Variants in ADAM23 observed in about 807,000 individuals in gnomAD.
ADAM23 encodes disintegrin and metalloproteinase domain-containing protein 23.
ADAM23 carries 33 observed loss-of-function variants against 120.1 expected under a neutral mutation model. The observed-to-expected ratio is 0.27, with a 90% CI of 0.21 to 0.37. ADAM23 has a LOEUF of 0.37. Ranked by LOEUF, ADAM23 falls within the 10% of genes least tolerant of loss-of-function variation. ADAM23 has a pLI of 1.00. For synonymous variants in ADAM23, 367 were observed against 375.2 expected, an observed-to-expected ratio of 0.98 and a Z score of 0.25; for missense variants, 862 against 1,058.2, an observed-to-expected ratio of 0.81 and a Z score of 2.57.
At chr2:206,563,727 CTTTTTTTTT>C (rs3084932) in intron 13 of ADAM23, among the ~76,000 whole-genome samples, 4 of 140,490 alleles carry the variant, frequency 2.8e-5, no homozygotes, top group Non-Finnish European at 4.6e-5. Flanking sequence ...TCCTAAAATT[CTTTTTTTTT>C]TTTTTTTTTT....
At chr2:206,503,442 G>T (rs1231691356) in intron 3 of ADAM23, among the ~76,000 whole-genome samples, 1 of 152,040 alleles carries the variant, frequency 6.6e-6, no homozygotes, top group Non-Finnish European at 1.5e-5. Flanking sequence ...CAAGGTAGAG[G>T]GTCAGTCAAT....
At chr2:206,608,785 A>G (rs757833251) in intron 24 of ADAM23, among the ~76,000 whole-genome samples, 5 of 152,208 alleles carry the variant, frequency 3.3e-5, no homozygotes, top group African/African-American at 4.8e-5. Context: ...CAAAAGTGGC[A>G]TCCATTTATG....
chr2:206,484,648 A>T (rs1228468145), intron 3 of ADAM23, among the ~76,000 whole-genome samples: 2 of 152,144 alleles, frequency 1.3e-5, no homozygotes, highest in Non-Finnish European at 2.9e-5. Flanking sequence ...GAGGCTATGA[A>T]CTGGGGACAA....
intron 24 of ADAM23, among the ~76,000 whole-genome samples, chr2:206,603,196 T>C (rs559620852): frequency 6.6e-6 from 1 of 152,326 alleles, no homozygotes; most frequent in East Asian, 1.9e-4. Flanking sequence ...TAGAATTTTT[T>C]TCAATGAGAT....
In ADAM23 at chr2:206,560,110, C is replaced by T. The variant is rs1363008225; in HGVS notation, c.1161C>T (p.His387=). Residue 387 remains histidine, a synonymous_variant, in exon 11 of 26, where the codon CAC becomes CAT. Transcript: ENST00000264377. Reference sequence around the variant, plus strand: ...TTAAGCAGCATGCTGATGCTGTGCACCTCATCTCGTACGTACTCATTTCAG... The same window carrying T: ...TTAAGCAGCATGCTGATGCTGTGCATCTCATCTCGTACGTACTCATTTCAG... ...QRIKQHADAV[H]LISRVTFHYK... The T allele has an allele frequency of 1.2e-6, 2 of 1,613,508 alleles. No homozygotes were observed. Among genetic ancestry groups the T allele is most frequent in the East Asian group, 2.2e-5 (1 of 44,882 alleles).
At chr2:206,561,342 T>G in intron 12 of ADAM23, 130 bp downstream of exon 12, 1 of 772,036 alleles carries the variant, frequency 1.3e-6, no homozygotes, top group Non-Finnish European at 2.1e-6. Flanking sequence ...CTTATGTTAT[T>G]AATAAATAGA....
chr2:206,571,333 G>T (rs969780965), intron 16 of ADAM23, among the ~76,000 whole-genome samples: 5 of 152,074 alleles, frequency 3.3e-5, no homozygotes, highest in African/African-American at 1.2e-4. Context: ...AAATTAGCCG[G>T]GCGCGGTGGC....
chr2:206,517,724 C>T (rs1256011599), intron 3 of ADAM23, among the ~76,000 whole-genome samples: 1 of 152,116 alleles, frequency 6.6e-6, no homozygotes, highest in African/African-American at 2.4e-5. Context: ...CTTGGTGTGG[C>T]TTTCCTGGAT....
chr2:206,562,426 T>A, intron 13 of ADAM23, 133 bp downstream of exon 13: 1 of 648,072 alleles, frequency 1.5e-6, no homozygotes, highest in Non-Finnish European at 2.5e-6. Context: ...CTCTAAAATA[T>A]TTAGAAAATA....
At chr2:206,544,226 T>A (rs929209246) in intron 6 of ADAM23, among the ~76,000 whole-genome samples, 1 of 152,176 alleles carries the variant, frequency 6.6e-6, no homozygotes, top group Non-Finnish European at 1.5e-5. Context: ...AGTGGGGAAA[T>A]CTGTGGGCTG....
At chr2:206,453,507 C>A (rs150450671) in intron 2 of ADAM23, among the ~76,000 whole-genome samples, 3,590 of 152,296 alleles carry the variant, frequency 0.024, 64 homozygotes, top group Middle Eastern at 0.044. Flanking sequence ...TTATGAAAGA[C>A]TCATTCATTC....
intron 4 of ADAM23, 60 bp from the exon 5 acceptor site, chr2:206,541,992 C>T (rs1697298782): frequency 1.3e-6 from 2 of 1,541,420 alleles, no homozygotes; most frequent in African/African-American, 1.4e-5. Context: ...TTTATGGAAG[C>T]ACCCAAAGAA....
At chr2:206,570,926 C>A in intron 16 of ADAM23, 115 bp downstream of exon 16, 1 of 854,158 alleles carries the variant, frequency 1.2e-6, no homozygotes. Flanking sequence ...TCTTTCTCAT[C>A]TCTCTGATTA....
chr2:206,530,982 T>TTA lies in ADAM23; in HGVS notation c.573+34_573+35insTA, dbSNP rs773717569. ...ACCGGCGTCGGCAAGTACTCTAGTATAAGTGTGCTTATCATAGAGTTGATC... is the reference window on the plus strand; with the variant it reads ...ACCGGCGTCGGCAAGTACTCTAGTATTAAAGTGTGCTTATCATAGAGTTGATC... On this transcript the variant is annotated intron_variant, in intron 4 of 25. Coordinates refer to ENST00000264377, the MANE Select transcript of ADAM23 (RefSeq NM_003812.4). 9 of 1,583,772 alleles carry TTA rather than the reference T, an allele frequency of 5.7e-6. No homozygotes were observed. In the South Asian group the frequency reaches 1.0e-4, roughly 18 times the overall value.
chr2:206,545,287 A>G (rs1327751564), intron 6 of ADAM23, among the ~76,000 whole-genome samples: 6 of 151,986 alleles, frequency 3.9e-5, no homozygotes, highest in African/African-American at 1.4e-4. Context: ...GGAGTTTGAG[A>G]CCAGCCCAGC....
intron 3 of ADAM23, among the ~76,000 whole-genome samples, chr2:206,482,410 T>G (rs774837052): frequency 6.6e-6 from 1 of 152,158 alleles, no homozygotes; most frequent in South Asian, 2.1e-4. Flanking sequence ...TAGAGCTAAT[T>G]TTAGTGTAAG....
intron 21 of ADAM23, among the ~76,000 whole-genome samples, chr2:206,591,347 T>C (rs961493902): frequency 1.8e-4 from 28 of 152,338 alleles, no homozygotes; most frequent in African/African-American, 6.7e-4. Context: ...GCAGTCACTT[T>C]CTTGCTTTTC....
Position 206,578,178 on chromosome 2 carries a change from TTTA to T in ADAM23, c.1737+4986_1737+4988del, listed in dbSNP as rs1553562628. On this transcript the variant is annotated intron_variant, in intron 18 of 25. Coordinates refer to ENST00000264377, the MANE Select transcript of ADAM23 (RefSeq NM_003812.4). ...GTTGACTGTGGTTGTGTTAGTTTTA[TTTA>T]TTTTTTAACATTACAAATCTATTTA... 2.6e-4 allele frequency among the ~76,000 whole-genome samples: 9 copies of T among 34,648 alleles called. No individual in the cohort carries two copies. In the South Asian group the frequency reaches 8.3e-3, roughly 32 times the overall value. 22.7% of individuals were successfully genotyped at this position (34,648 alleles called of 152,430 possible). A position where few individuals can be genotyped will look rare whatever the true frequency, so the allele number is the denominator to read the frequency against.
At chr2:206,610,481 G>A (rs1053303051) in intron 25 of ADAM23, among the ~76,000 whole-genome samples, 2 of 152,162 alleles carry the variant, frequency 1.3e-5, no homozygotes, top group African/African-American at 2.4e-5. Flanking sequence ...GATTTGAAAA[G>A]CTTTATAGTT....
Sources: gnomAD v4.1 joint callset for allele counts (sites outside exome capture counted in the v4.1 genomes callset) on GRCh38, gnomAD v4.1.1 for gene constraint, MANE v1.5 for transcripts, NCBI Gene and HGNC (gene_info 2026-07-23, HGNC 2026-07-21) for gene names.